Variants in RALGPS2 observed in about 807,000 individuals in gnomAD.
The protein encoded by RALGPS2 is ras-specific guanine nucleotide-releasing factor RalGPS2.
A neutral mutation model predicts 86.8 loss-of-function variants in RALGPS2; 43 were observed. That is an observed-to-expected ratio of 0.50 (90% CI 0.39 to 0.64). The LOEUF (loss-of-function observed/expected upper bound fraction) is 0.64, where lower values mean the gene tolerates loss of function less well. Ranked by LOEUF, RALGPS2 falls within the 30% of genes least tolerant of loss-of-function variation. The pLI is 0.00. For synonymous variants in RALGPS2, 243 were observed against 231.3 expected (o/e 1.05, Z -0.46); for missense variants, 536 against 694.6 (o/e 0.77, Z 2.57).
At chr1:178,853,352 G>C (rs73039838) in intron 8 of RALGPS2, among the ~76,000 whole-genome samples, 7,972 of 152,206 alleles carry the variant, frequency 0.052, 729 homozygotes, top group African/African-American at 0.18. Context: ...AAAGTAGTAA[G>C]TATAAGTCAT....
At chr1:178,890,081 A>C (rs761437557) in intron 14 of RALGPS2, among the ~76,000 whole-genome samples, 5 of 151,996 alleles carry the variant, frequency 3.3e-5, no homozygotes, top group Non-Finnish European at 7.4e-5. Context: ...CTGCTTTGTC[A>C]AGGACAAAAT....
At chr1:178,906,686 C>A in intron 18 of RALGPS2, 90 bp from the exon 19 acceptor site, 1 of 962,956 alleles carries the variant, frequency 1.0e-6, no homozygotes, top group Non-Finnish European at 1.6e-6. Flanking sequence ...AAACTCTAGT[C>A]ATGTTTAATT....
intron 4 of RALGPS2, among the ~76,000 whole-genome samples, chr1:178,807,470 A>G (rs1369324488): frequency 2.0e-5 from 3 of 152,238 alleles, no homozygotes; most frequent in East Asian, 1.9e-4. Flanking sequence ...TGTGTTGCCA[A>G]TGCCACTGTA....
intron 1 of RALGPS2, among the ~76,000 whole-genome samples, chr1:178,773,501 A>T (rs1652908759): frequency 6.6e-6 from 1 of 152,256 alleles, no homozygotes; most frequent in Admixed American, 6.5e-5. Flanking sequence ...GACGTACTAA[A>T]AGAATAAACT....
intron 4 of RALGPS2, among the ~76,000 whole-genome samples, chr1:178,788,080 T>A (rs1653754320): frequency 6.6e-6 from 1 of 152,208 alleles, no homozygotes; most frequent in South Asian, 2.1e-4. Context: ...TGGTCTAAGA[T>A]ATACTAGCCT....
intron 4 of RALGPS2, among the ~76,000 whole-genome samples, chr1:178,797,926 C>T (rs1460854494): frequency 7.2e-6 from 1 of 138,370 alleles, no homozygotes; most frequent in African/African-American, 2.7e-5. Context: ...TCCACTCATA[C>T]ACATATTTTT....
intron 8 of RALGPS2, among the ~76,000 whole-genome samples, chr1:178,840,089 CAACAA>C (rs1269166506): frequency 1.3e-5 from 2 of 151,942 alleles, no homozygotes; most frequent in Non-Finnish European, 2.9e-5. Context: ...TTAGACAGAT[CAACAA>C]GACAGAAGGT....
intron 1 of RALGPS2, among the ~76,000 whole-genome samples, chr1:178,739,885 A>G (rs1650922390): frequency 6.6e-6 from 1 of 152,238 alleles, no homozygotes. Context: ...GAATGAAGTC[A>G]ACAAACCTAG....
At chr1:178,845,486 A>G (rs1349307315) in intron 8 of RALGPS2, among the ~76,000 whole-genome samples, 1 of 152,104 alleles carries the variant, frequency 6.6e-6, no homozygotes, top group East Asian at 1.9e-4. Context: ...GTAAGCCCCT[A>G]TTTGTCTTGG....
chr1:178,755,683 T>C (rs1259499164), intron 1 of RALGPS2, among the ~76,000 whole-genome samples: 2 of 152,200 alleles, frequency 1.3e-5, no homozygotes, highest in East Asian at 3.8e-4. Context: ...TAAGAACAAT[T>C]TATTTTCTTT....
chr1:178,850,794 A>G (rs1657120153), intron 8 of RALGPS2: 1 of 169,340 alleles, frequency 5.9e-6, no homozygotes, highest in Admixed American at 6.3e-5. Context: ...TTTTAAATAA[A>G]TTGTTAAGTA....
At chr1:178,806,948 A>T (rs1484991674) in intron 4 of RALGPS2, among the ~76,000 whole-genome samples, 3 of 152,222 alleles carry the variant, frequency 2.0e-5, no homozygotes. Flanking sequence ...GTTCTATTAA[A>T]ATATACTTAA....
chr1:178,788,896 T>C (rs978678604), intron 4 of RALGPS2, among the ~76,000 whole-genome samples: 2 of 150,846 alleles, frequency 1.3e-5, no homozygotes, highest in African/African-American at 2.4e-5. Context: ...TTCTTTCCTT[T>C]CTTTCTTCTT....
rs190094386 is a variant in RALGPS2, at chr1:178,867,291, C to T, written c.608-10207C>T. ...ATGATCCCCACTTTCAGATGGAAAA[C>T]TTGGCATCCAAAAGTTAAGTACCTT... is the stretch of plus-strand genomic sequence containing the variant. On this transcript the variant is annotated intron_variant, in intron 8 of 19. Coordinates refer to ENST00000367635, the MANE Select transcript of RALGPS2 (RefSeq NM_152663.5). Among the ~76,000 whole-genome samples the T allele has an allele frequency of 2.8e-3, 424 of 152,198 alleles. 5 individuals carry two copies. The highest frequency in any genetic ancestry group is 7.7e-4 in the East Asian group (4 of 5,188).
At chr1:178,823,193 A>T (rs1479509051) in intron 7 of RALGPS2, among the ~76,000 whole-genome samples, 2 of 152,226 alleles carry the variant, frequency 1.3e-5, no homozygotes, top group Admixed American at 6.5e-5. Context: ...TTTTCCTTGA[A>T]GATATTTTCA....
At chr1:178,846,013 A>G (rs3766641) in intron 8 of RALGPS2, among the ~76,000 whole-genome samples, 70,775 of 151,996 alleles carry the variant, frequency 0.47, 17,788 homozygotes, top group African/African-American at 0.65. Flanking sequence ...TCGTTTTTGC[A>G]TATATTGAAT....
intron 1 of RALGPS2, among the ~76,000 whole-genome samples, chr1:178,761,345 C>T (rs895104627): frequency 6.6e-6 from 1 of 151,260 alleles, no homozygotes; most frequent in Non-Finnish European, 1.5e-5. Flanking sequence ...AGGAGAATGG[C>T]GTGAACCCAG....
At chr1:178,728,447 T>C (rs967802539) in intron 1 of RALGPS2, among the ~76,000 whole-genome samples, 4 of 138,262 alleles carry the variant, frequency 2.9e-5, no homozygotes, top group African/African-American at 1.1e-4. Context: ...ATAGTTTGGG[T>C]TTACTTTTAA....
chr1:178,742,421 C>G (rs1651088627), intron 1 of RALGPS2, among the ~76,000 whole-genome samples: 1 of 152,114 alleles, frequency 6.6e-6, no homozygotes, highest in South Asian at 2.1e-4. Flanking sequence ...TAGTTCTAAA[C>G]ATTTATGCCC....
Sources: allele counts gnomAD v4.1 joint callset (sites outside exome capture counted in the v4.1 genomes callset), GRCh38; gene constraint gnomAD v4.1.1; transcripts MANE v1.5; gene names NCBI Gene and HGNC (gene_info 2026-07-23, HGNC 2026-07-21).